SH2B3: variants seen among roughly 807,000 people sequenced by gnomAD.
SH2B3 encodes the protein SH2B adapter protein 3.
Under a neutral mutation model 51.9 loss-of-function variants are expected in SH2B3, and 43 were observed. The ratio of observed to expected loss-of-function variants is 0.83; its 90% confidence interval spans 0.65 to 1.07. The LOEUF (loss-of-function observed/expected upper bound fraction) is 1.07, where lower values mean the gene tolerates loss of function less well. Ranked by LOEUF, SH2B3 falls within the 50% of genes least tolerant of loss-of-function variation. The pLI, the probability that SH2B3 is intolerant of heterozygous loss-of-function variation, is 0.00. For synonymous variants in SH2B3, 396 were observed against 376.0 expected, an observed-to-expected ratio of 1.05 and a Z score of -0.62; for missense variants, 952 against 834.3, an observed-to-expected ratio of 1.14 and a Z score of -1.74.
intron 1 of SH2B3, among the ~76,000 whole-genome samples, chr12:111,416,271 T>C (rs1339483821): frequency 1.3e-5 from 2 of 152,026 alleles, no homozygotes; most frequent in Admixed American, 6.6e-5. Context: ...ACCAATAATA[T>C]ACTCTCACCG....
In SH2B3 at chr12:111,406,293, CCCGCG is replaced by C. The variant is rs1870239051; in HGVS notation, c.-28+18_-28+22del. ...TGTCTCTCAGGTGAGCCCGCGTTTG[CCCGCG>C]CTCCCCTCCTCCGGGGCCGGGAGGG... is the stretch of plus-strand genomic sequence containing the variant. On this transcript the variant is annotated intron_variant, in intron 1 of 7. Coordinates refer to ENST00000341259, the MANE Select transcript of SH2B3 (RefSeq NM_005475.3). The surrounding 1 kb of genome is among the most constrained non-coding windows in gnomAD (Gnocchi z 5.7). 1 of 152,194 alleles carries C rather than the reference CCCGCG, an allele frequency of 6.6e-6. No individual in the cohort carries two copies. The highest frequency in any genetic ancestry group is 2.1e-4 in the South Asian group (1 of 4,834). The allele number at this position is 152,194 out of a possible 1,614,324, so 9.4% of individuals were successfully genotyped here.
intron 1 of SH2B3, among the ~76,000 whole-genome samples, chr12:111,416,282 C>A (rs968728884): frequency 6.6e-6 from 1 of 152,054 alleles, no homozygotes; most frequent in African/African-American, 2.4e-5. Flanking sequence ...ACTCTCACCG[C>A]AACATGGAAA....
rs901354665 is a variant in SH2B3, at chr12:111,406,738, C to T, written c.-28+461C>T. Among the ~76,000 whole-genome samples the T allele has an allele frequency of 2.6e-5, 4 of 152,210 alleles. No individual in the cohort carries two copies. The highest frequency in any genetic ancestry group is 4.4e-5 in the Non-Finnish European group (3 of 68,030). The stretch of plus-strand genomic sequence containing the variant: ...GAGGATGCGCCGGCCCCTCCCCACT[C>T]CCCATTCCGGGCCATGTGGCTAAGA... On this transcript the variant is annotated intron_variant, in intron 1 of 7. Coordinates refer to ENST00000341259, the MANE Select transcript of SH2B3 (RefSeq NM_005475.3). This position sits in a 1 kb window ranked among gnomAD's most constrained non-coding sequence, Gnocchi z 5.7.
intron 2 of SH2B3, among the ~76,000 whole-genome samples, chr12:111,443,253 T>G (rs1029596644): frequency 6.6e-6 from 1 of 152,156 alleles, no homozygotes; most frequent in Non-Finnish European, 1.5e-5. Flanking sequence ...ACGAGGCTGG[T>G]GTTTCATCTT....
At position 111,446,663 on chromosome 12, in the gene SH2B3, G is replaced by T. The variant is rs1299028076; in HGVS notation, c.733-90G>T. 17 of 685,160 alleles carry T rather than the reference G, an allele frequency of 2.5e-5. 1 individual carries two copies. The South Asian group carries it at 3.4e-4, about 14-fold the overall frequency. 42.4% of individuals were successfully genotyped at this position (685,160 alleles called of 1,614,324 possible). On this transcript the variant is annotated intron_variant, in intron 2 of 7. Coordinates refer to ENST00000341259, the MANE Select transcript of SH2B3 (RefSeq NM_005475.3). ...CCATGGATACTCTCTCTAAAAGGGG[G>T]ACTCCTGGGGAGACTATAGACAAAC...
chr12:111,447,266 C>T lies in SH2B3; in HGVS notation c.1021+47C>T, dbSNP rs201516720. On this transcript the variant is annotated intron_variant, in intron 5 of 7. Transcript: ENST00000341259. ...CCATTGTCTTCTGGGTACGCTGGAA[C>T]CCAGACTCAGCCCAGGACATAAGGT... 9 of 1,589,022 alleles carry T rather than the reference C, an allele frequency of 5.7e-6. No homozygotes were observed. The Admixed American group carries it at 1.3e-4, about 24-fold the overall frequency.
chr12:111,442,437 G>C (rs1160089374), intron 2 of SH2B3, among the ~76,000 whole-genome samples: 1 of 152,216 alleles, frequency 6.6e-6, no homozygotes, highest in Non-Finnish European at 1.5e-5. Flanking sequence ...GCTGGTGCTG[G>C]AGGGTCGACT....
In SH2B3 at chr12:111,418,258, C is replaced by A. The variant is rs2135547124; in HGVS notation, c.113C>A (p.Ala38Asp). ...TGTGAGTTGCACGCCGTAGCGGCGG[C>A]CCGGGAGCTGGCCCGCCAGTACTGG... ...EFCELHAVAAARELARQYWLF... is the reference protein window; with the variant it reads ...EFCELHAVAADRELARQYWLF... The change falls in exon 2 of 8, where the codon GCC becomes GAC. Residue 38 changes from alanine (A) to aspartate (D), a missense_variant. Transcript: ENST00000341259. This position sits in a 1 kb window ranked among gnomAD's most constrained non-coding sequence, Gnocchi z 6.7. The A allele has an allele frequency of 6.5e-7, 1 of 1,532,894 alleles. No individual in the cohort carries two copies. The highest frequency in any genetic ancestry group is 1.2e-5 in the South Asian group (1 of 84,362). The allele number at this position is 1,532,894 out of a possible 1,614,324, so 95.0% of individuals were successfully genotyped here.
chr12:111,421,322 CT>C (rs912711337), intron 2 of SH2B3, among the ~76,000 whole-genome samples: 1 of 149,088 alleles, frequency 6.7e-6, no homozygotes, highest in African/African-American at 2.5e-5. Context: ...AATAGGTTGC[CT>C]TTTATTTCTG....
intron 2 of SH2B3, among the ~76,000 whole-genome samples, chr12:111,431,275 A>G (rs1400827855): frequency 6.8e-6 from 1 of 147,730 alleles, no homozygotes; most frequent in African/African-American, 2.5e-5. Flanking sequence ...TCGAACCCCA[A>G]CCTCAGCTCT....
In SH2B3 at chr12:111,435,085, T is replaced by G. The variant is rs2135579876; in HGVS notation, c.733-11668T>G. Reference sequence around the variant, plus strand: ...GGGATCTTGGTGGTGATGAGTCCCCTCTCCTCTGGTGCACTCTCCCCACCC... The same window carrying G: ...GGGATCTTGGTGGTGATGAGTCCCCGCTCCTCTGGTGCACTCTCCCCACCC... On this transcript the variant is annotated intron_variant, in intron 2 of 7. Transcript: ENST00000341259. The surrounding 1 kb of genome is among the most constrained non-coding windows in gnomAD (Gnocchi z 4.8). The G allele has an allele frequency of 2.2e-6, 3 of 1,362,730 alleles. No individual in the cohort carries two copies. The East Asian group carries it at 7.5e-5, about 34-fold the overall frequency. The allele number at this position is 1,362,730 out of a possible 1,614,324, so 84.4% of individuals were successfully genotyped here.
intron 1 of SH2B3, among the ~76,000 whole-genome samples, chr12:111,416,937 G>C (rs1871130245): frequency 6.6e-6 from 1 of 152,188 alleles, no homozygotes; most frequent in African/African-American, 2.4e-5. Context: ...CACTGTTTCA[G>C]GATGAGTTTG....
At chr12:111,437,983 G>A (rs556117578) in intron 2 of SH2B3, among the ~76,000 whole-genome samples, 3 of 152,328 alleles carry the variant, frequency 2.0e-5, no homozygotes, top group Admixed American at 6.5e-5. Context: ...GTCAGATGGT[G>A]GAGGCAGTTG....
chr12:111,415,935 A>G (rs1413179732), intron 1 of SH2B3, among the ~76,000 whole-genome samples: 1 of 146,278 alleles, frequency 6.8e-6, no homozygotes, highest in Non-Finnish European at 1.5e-5. Context: ...TTATTTATGT[A>G]TTTATTTATT....
intron 1 of SH2B3, among the ~76,000 whole-genome samples, chr12:111,415,298 G>A (rs1394987665): frequency 1.3e-5 from 2 of 152,220 alleles, no homozygotes; most frequent in Non-Finnish European, 2.9e-5. Flanking sequence ...ATGGATATGT[G>A]GTCTCCAGCA....
At chr12:111,443,037 A>G (rs776165384) in intron 2 of SH2B3, among the ~76,000 whole-genome samples, 1 of 152,242 alleles carries the variant, frequency 6.6e-6, no homozygotes, top group Non-Finnish European at 1.5e-5. Context: ...TGTTTGTGCC[A>G]AGACAGGTCC....
At chr12:111,436,473 G>C (rs936839544) in intron 2 of SH2B3, among the ~76,000 whole-genome samples, 1 of 152,170 alleles carries the variant, frequency 6.6e-6, no homozygotes, top group Non-Finnish European at 1.5e-5. Context: ...CTCGAGAGTA[G>C]AAGCGTCCCA....
intron 2 of SH2B3, among the ~76,000 whole-genome samples, chr12:111,440,376 C>T (rs778891716): frequency 6.6e-6 from 1 of 152,236 alleles, no homozygotes; most frequent in Non-Finnish European, 1.5e-5. Flanking sequence ...TGCTCTGGAA[C>T]CATGACGTCC....
intron 1 of SH2B3, among the ~76,000 whole-genome samples, chr12:111,412,080 C>G (rs982723903): frequency 2.0e-5 from 3 of 152,172 alleles, no homozygotes; most frequent in Non-Finnish European, 2.9e-5. Flanking sequence ...ACCCTACAGT[C>G]GAAGCCTGAG....
Sources: gnomAD v4.1 joint callset for allele counts (sites outside exome capture counted in the v4.1 genomes callset) on GRCh38, gnomAD v4.1.1 for gene constraint, Gnocchi (gnomAD v3.1) non-coding constraint, MANE v1.5 for transcripts, NCBI Gene and HGNC (gene_info 2026-07-23, HGNC 2026-07-21) for gene names.